The following KALRN variants were observed in gnomAD, a reference collection of about 807,000 sequenced individuals.
KALRN encodes kalirin.
Under a neutral mutation model 353.7 loss-of-function variants are expected in KALRN, and 70 were observed. The ratio of observed to expected loss-of-function variants is 0.20; its 90% CI spans 0.16 to 0.24. KALRN has a LOEUF of 0.24. Among genes scored for constraint, KALRN ranks in the 10% least tolerant of loss-of-function variants. The pLI is 1.00. For missense variants in KALRN, 2,791 were observed against 3,756.7 expected, an observed-to-expected ratio of 0.74 and a Z score of 6.72; for synonymous variants, 1,391 against 1,434.8, an observed-to-expected ratio of 0.97 and a Z score of 0.69.
At chr3:124,520,137 G>A (rs1386045563) in intron 33 of KALRN, among the ~76,000 whole-genome samples, 1 of 152,036 alleles carries the variant, frequency 6.6e-6, no homozygotes, top group East Asian at 1.9e-4. Flanking sequence ...GAAGGCAGAG[G>A]AGGGGGCAGG....
At position 124,461,976 on chromosome 3, in the gene KALRN, G is replaced by T. The variant is rs200035783; in HGVS notation, c.3921+20G>T. 6 of 1,573,422 alleles carry T rather than the reference G, an allele frequency of 3.8e-6. No homozygotes were observed. Among genetic ancestry groups the T allele is most frequent in the Non-Finnish European group, 5.2e-6 (6 of 1,144,256 alleles). On this transcript the variant is annotated intron_variant, in intron 24 of 59. Coordinates refer to ENST00000682506, the MANE Select transcript of KALRN (RefSeq NM_001388419.1). Reference sequence around the variant, plus strand: ...TTAGAGGTGAGTCTTCCAGTAATCCGTTCACAGCTATATTGGAAAAATGAC... The same window carrying T: ...TTAGAGGTGAGTCTTCCAGTAATCCTTTCACAGCTATATTGGAAAAATGAC...
At chr3:124,546,608 C>G (rs975807671) in intron 33 of KALRN, among the ~76,000 whole-genome samples, 1 of 152,054 alleles carries the variant, frequency 6.6e-6, no homozygotes, top group Non-Finnish European at 1.5e-5. Context: ...AATCAGAATG[C>G]CTCCTTCACC....
At chr3:124,302,940 T>C (rs888248528) in intron 6 of KALRN, among the ~76,000 whole-genome samples, 1 of 152,218 alleles carries the variant, frequency 6.6e-6, no homozygotes, top group Non-Finnish European at 1.5e-5. Flanking sequence ...TTTAACTTAA[T>C]TACCTATTTA....
At chr3:124,608,039 C>T (rs1396509726) in intron 34 of KALRN, among the ~76,000 whole-genome samples, 2 of 147,048 alleles carry the variant, frequency 1.4e-5, no homozygotes, top group African/African-American at 5.0e-5. Context: ...GACAGGGTCT[C>T]ATTCTGTCAC....
intron 1 of KALRN, among the ~76,000 whole-genome samples, chr3:124,085,705 C>G (rs2060780529): frequency 6.6e-6 from 1 of 152,130 alleles, no homozygotes; most frequent in African/African-American, 2.4e-5. Flanking sequence ...TTAGTAGCAG[C>G]TTCAATATTT....
At chr3:124,297,935 C>T (rs1210319862) in intron 5 of KALRN, among the ~76,000 whole-genome samples, 1 of 152,248 alleles carries the variant, frequency 6.6e-6, no homozygotes, top group Non-Finnish European at 1.5e-5. Flanking sequence ...GAAGCCATAA[C>T]TAAATAACTA....
intron 51 of KALRN, among the ~76,000 whole-genome samples, chr3:124,693,368 C>A (rs1262400870): frequency 2.0e-5 from 3 of 152,110 alleles, no homozygotes; most frequent in Non-Finnish European, 2.9e-5. Flanking sequence ...AATGACCCTT[C>A]CAGTTTGATA....
intron 1 of KALRN, among the ~76,000 whole-genome samples, chr3:124,222,663 A>G (rs1199033781): frequency 3.9e-5 from 6 of 152,142 alleles, no homozygotes; most frequent in African/African-American, 1.4e-4. Flanking sequence ...GTGAAGTGGC[A>G]TGATCACAGC....
chr3:124,508,432 A>G (rs999138946), intron 33 of KALRN, among the ~76,000 whole-genome samples: 3 of 152,158 alleles, frequency 2.0e-5, no homozygotes, highest in Admixed American at 6.5e-5. Flanking sequence ...CATTCTACAT[A>G]TATCCTTTTG....
intron 34 of KALRN, among the ~76,000 whole-genome samples, chr3:124,613,230 C>A (rs1306417914): frequency 1.3e-5 from 2 of 152,130 alleles, no homozygotes; most frequent in Non-Finnish European, 2.9e-5. Flanking sequence ...CACTCCCCAG[C>A]AGATTTACAC....
chr3:124,235,849 A>G (rs1416933647), intron 3 of KALRN, among the ~76,000 whole-genome samples: 2 of 152,214 alleles, frequency 1.3e-5, no homozygotes, highest in Non-Finnish European at 2.9e-5. Flanking sequence ...ATTTTATAGA[A>G]GAATTAGTGA....
At chr3:124,159,840 C>T (rs760181304) in intron 1 of KALRN, among the ~76,000 whole-genome samples, 2 of 151,612 alleles carry the variant, frequency 1.3e-5, no homozygotes, top group African/African-American at 4.9e-5. Flanking sequence ...GTTCATATAC[C>T]CGTTGTAAAG....
chr3:124,618,276 A>ATT (rs540669308), intron 34 of KALRN, among the ~76,000 whole-genome samples: 106 of 144,940 alleles, frequency 7.3e-4, no homozygotes, highest in African/African-American at 1.9e-3. Flanking sequence ...CGCCCAGCTA[A>ATT]TTTTTTTTTT....
chr3:124,358,422 A>G (rs755826166), intron 10 of KALRN, among the ~76,000 whole-genome samples: 1 of 152,158 alleles, frequency 6.6e-6, no homozygotes, highest in Non-Finnish European at 1.5e-5. Flanking sequence ...GTTATTACAG[A>G]TAAGATTGGC....
intron 33 of KALRN, among the ~76,000 whole-genome samples, chr3:124,556,507 C>A (rs978445835): frequency 3.3e-5 from 5 of 152,110 alleles, no homozygotes; most frequent in African/African-American, 1.2e-4. Flanking sequence ...AGGGCGAGGA[C>A]AGAAGTTTAG....
chr3:124,476,339 G>A (rs950037280), intron 26 of KALRN, among the ~76,000 whole-genome samples: 1 of 151,114 alleles, frequency 6.6e-6, no homozygotes, highest in Non-Finnish European at 1.5e-5. Flanking sequence ...ACCAATCTGT[G>A]CCACAGTTCT....
At chr3:124,505,017 G>A in intron 33 of KALRN, 1 of 474,598 alleles carries the variant, frequency 2.1e-6, no homozygotes, top group Non-Finnish European at 4.4e-6. Flanking sequence ...TTGGAGGGAG[G>A]GGAGGGGAGA....
At chr3:124,446,664 C>G (rs1314105440) in intron 20 of KALRN, 99 bp from the exon 21 acceptor site, 2 of 1,434,130 alleles carry the variant, frequency 1.4e-6, no homozygotes, top group Non-Finnish European at 1.9e-6. Context: ...TTTCCTGGGT[C>G]CATTAAGTTG....
intron 57 of KALRN, among the ~76,000 whole-genome samples, chr3:124,708,304 G>A (rs1479457583): frequency 6.6e-6 from 1 of 152,164 alleles, no homozygotes; most frequent in Non-Finnish European, 1.5e-5. Flanking sequence ...ACAGATGCCA[G>A]CTCTGACATG....
Sources: gnomAD v4.1 joint callset for allele counts (sites outside exome capture counted in the v4.1 genomes callset) on GRCh38, gnomAD v4.1.1 for gene constraint, MANE v1.5 for transcripts, NCBI Gene and HGNC (gene_info 2026-07-23, HGNC 2026-07-21) for gene names.